Variants in OPCML observed in about 807,000 individuals in gnomAD.
The protein encoded by OPCML is opioid-binding protein/cell adhesion molecule.
OPCML carries 13 observed loss-of-function variants against 37.8 expected under a neutral mutation model. The ratio of observed to expected loss-of-function variants is 0.34; its 90% CI spans 0.22 to 0.55. The LOEUF (loss-of-function observed/expected upper bound fraction) is 0.55. Among genes scored for constraint, OPCML ranks in the 20% least tolerant of loss-of-function variants. OPCML has a pLI of 0.91. For missense variants in OPCML, 341 were observed against 435.6 expected (o/e 0.78, Z 1.93); for synonymous variants, 176 against 168.8 (o/e 1.04, Z -0.33).
chr11:133,080,339 C>G (rs1948691623), intron 1 of OPCML, among the ~76,000 whole-genome samples: 1 of 152,158 alleles, frequency 6.6e-6, no homozygotes, highest in African/African-American at 2.4e-5. Flanking sequence ...AACAAGCTCT[C>G]ATGACACTAC....
intron 1 of OPCML, among the ~76,000 whole-genome samples, chr11:133,306,941 G>A (rs573812879): frequency 6.6e-6 from 1 of 152,260 alleles, no homozygotes; most frequent in South Asian, 2.1e-4. Flanking sequence ...ATCAACTTCA[G>A]GGCAGTATCT....
chr11:133,382,870 C>G (rs1944961226), intron 1 of OPCML, among the ~76,000 whole-genome samples: 2 of 152,108 alleles, frequency 1.3e-5, no homozygotes, highest in South Asian at 4.1e-4. Flanking sequence ...TTAAAACTGC[C>G]ACATGTGTTA....
intron 2 of OPCML, among the ~76,000 whole-genome samples, chr11:132,730,969 A>G (rs962565741): frequency 1.3e-5 from 2 of 152,200 alleles, no homozygotes; most frequent in Non-Finnish European, 2.9e-5. Flanking sequence ...GATGTAAGAA[A>G]AAGGTATGTT....
At chr11:133,198,818 T>C (rs1464567610) in intron 1 of OPCML, among the ~76,000 whole-genome samples, 1 of 152,180 alleles carries the variant, frequency 6.6e-6, no homozygotes, top group Non-Finnish European at 1.5e-5. Flanking sequence ...ATGCATGCTG[T>C]GGAGGCGTAG....
chr11:133,134,381 T>C (rs1392352295), intron 1 of OPCML, among the ~76,000 whole-genome samples: 3 of 152,148 alleles, frequency 2.0e-5, no homozygotes, highest in Non-Finnish European at 4.4e-5. Context: ...GCAAGGTCTT[T>C]CCTCCCAAAC....
chr11:133,043,993 C>T (rs928450935), intron 1 of OPCML, among the ~76,000 whole-genome samples: 4 of 152,216 alleles, frequency 2.6e-5, no homozygotes, highest in Admixed American at 2.0e-4. Context: ...TCTCACTAGG[C>T]TTACCATCTT....
intron 4 of OPCML, among the ~76,000 whole-genome samples, chr11:132,470,452 G>T (rs1225646221): frequency 6.6e-6 from 1 of 152,172 alleles, no homozygotes; most frequent in Non-Finnish European, 1.5e-5. Context: ...ACTATGTAAG[G>T]TTCACAGGAA....
At chr11:133,501,117 C>T (rs976505414) in intron 1 of OPCML, among the ~76,000 whole-genome samples, 1 of 152,186 alleles carries the variant, frequency 6.6e-6, no homozygotes, top group African/African-American at 2.4e-5. Flanking sequence ...CCACCACCCA[C>T]ACTGTGCAGT....
chr11:133,007,644 CT>C (rs1353997820), intron 1 of OPCML: 58 of 985,226 alleles, frequency 5.9e-5, no homozygotes, highest in Non-Finnish European at 6.9e-5. Context: ...CATTTTTATT[CT>C]CTTTCAGTCT....
At chr11:133,405,600 C>G (rs990820200) in intron 1 of OPCML, among the ~76,000 whole-genome samples, 1 of 152,164 alleles carries the variant, frequency 6.6e-6, no homozygotes, top group Non-Finnish European at 1.5e-5. Flanking sequence ...CCTTCAGCCT[C>G]TCTCCTGAAC....
At chr11:133,311,725 G>A (rs1943071407) in intron 1 of OPCML, among the ~76,000 whole-genome samples, 1 of 152,216 alleles carries the variant, frequency 6.6e-6, no homozygotes, top group Non-Finnish European at 1.5e-5. Flanking sequence ...CACACTGTGG[G>A]CAGGAGTCCA....
chr11:133,194,205 C>CTTTTTTT (rs34797390), intron 1 of OPCML, among the ~76,000 whole-genome samples: 2 of 106,960 alleles, frequency 1.9e-5, no homozygotes, highest in Non-Finnish European at 3.6e-5. Flanking sequence ...CCTTCCCCCA[C>CTTTTTTT]TTTTTTTTTT....
At chr11:132,928,656 A>C (rs544210486) in intron 2 of OPCML, among the ~76,000 whole-genome samples, 1 of 152,166 alleles carries the variant, frequency 6.6e-6, no homozygotes, top group Non-Finnish European at 1.5e-5. Flanking sequence ...CACCCAGCAA[A>C]GGCAGAAAAC....
intron 2 of OPCML, among the ~76,000 whole-genome samples, chr11:132,861,856 A>C (rs990618323): frequency 3.3e-5 from 5 of 150,902 alleles, no homozygotes; most frequent in East Asian, 1.9e-4. Flanking sequence ...AAAAAAAAAA[A>C]CAAAAACTGT....
chr11:132,574,326 C>T (rs566977624), intron 3 of OPCML, among the ~76,000 whole-genome samples: 1 of 142,372 alleles, frequency 7.0e-6, no homozygotes, highest in South Asian at 2.2e-4. Flanking sequence ...CTTTTTCTAA[C>T]TCCTAGAGGT....
intron 2 of OPCML, among the ~76,000 whole-genome samples, chr11:132,849,019 C>A (rs1292259737): frequency 6.6e-6 from 1 of 152,212 alleles, no homozygotes; most frequent in Non-Finnish European, 1.5e-5. Flanking sequence ...GCAACTGATA[C>A]TGCTTAATGG....
At chr11:132,582,200 T>C (rs2096463579) in intron 3 of OPCML, among the ~76,000 whole-genome samples, 1 of 149,130 alleles carries the variant, frequency 6.7e-6, no homozygotes, top group Admixed American at 6.7e-5. Flanking sequence ...CATGTACAAT[T>C]GGGAAAGAGA....
At chr11:132,529,247 G>A (rs1330748637) in intron 3 of OPCML, 61 bp from the exon 4 acceptor site, 8 of 1,524,172 alleles carry the variant, frequency 5.2e-6, no homozygotes, top group Non-Finnish European at 7.0e-6. Flanking sequence ...AAAAGGAGGT[G>A]TTAGCCTACA....
chr11:132,713,365 T>C (rs1247881830), intron 2 of OPCML, among the ~76,000 whole-genome samples: 6 of 152,178 alleles, frequency 3.9e-5, no homozygotes, highest in Non-Finnish European at 5.9e-5. Flanking sequence ...AAGGAATCAT[T>C]CTGTTTATCA....
Sources: allele counts gnomAD v4.1 joint callset (sites outside exome capture counted in the v4.1 genomes callset), GRCh38; gene constraint gnomAD v4.1.1; transcripts MANE v1.5; gene names NCBI Gene and HGNC (gene_info 2026-07-23, HGNC 2026-07-21).